TSHZ2: variants seen among roughly 807,000 people sequenced by gnomAD.
The protein encoded by TSHZ2 is teashirt zinc finger homeobox 2.
In TSHZ2, 21 loss-of-function variants were observed where a neutral mutation model predicts 74.4. The ratio of observed to expected loss-of-function variants is 0.28; its 90% CI spans 0.20 to 0.41. TSHZ2 has a LOEUF of 0.41. TSHZ2 is among the 10% of genes least tolerant of loss of function. The pLI is 1.00. For synonymous variants in TSHZ2, 540 were observed against 515.3 expected, an observed-to-expected ratio of 1.05 and a Z score of -0.65; for missense variants, 1,244 against 1,293.5, an observed-to-expected ratio of 0.96 and a Z score of 0.59.
At chr20:53,228,142 A>C (rs976596626) in intron 1 of TSHZ2, among the ~76,000 whole-genome samples, 2 of 142,568 alleles carry the variant, frequency 1.4e-5, no homozygotes, top group Non-Finnish European at 3.1e-5. Context: ...ACACACACAC[A>C]CTCACAGAGA....
intron 1 of TSHZ2, among the ~76,000 whole-genome samples, chr20:53,082,061 G>A (rs1248991721): frequency 3.3e-5 from 5 of 151,836 alleles, no homozygotes; most frequent in Admixed American, 2.0e-4. Context: ...GTGTAATTTC[G>A]TCACTCCCTT....
intron 2 of TSHZ2, among the ~76,000 whole-genome samples, chr20:53,361,925 T>G (rs7274222): frequency 0.014 from 67 of 4,746 alleles, no homozygotes; most frequent in Admixed American, 0.053. Flanking sequence ...GTTTTGTGTT[T>G]TTTTTTTTTC....
intron 1 of TSHZ2, among the ~76,000 whole-genome samples, chr20:53,080,722 C>T (rs1265617861): frequency 6.6e-6 from 1 of 152,188 alleles, no homozygotes; most frequent in Admixed American, 6.5e-5. Flanking sequence ...GCCCACCGCT[C>T]ACCTCCTGCT....
intron 2 of TSHZ2, among the ~76,000 whole-genome samples, chr20:53,467,970 C>G (rs920634855): frequency 6.6e-6 from 1 of 151,902 alleles, no homozygotes; most frequent in Non-Finnish European, 1.5e-5. Context: ...CGTGATAGAA[C>G]CAAATATTTG....
rs79355696 is a variant in TSHZ2, at chr20:53,153,121, C to T, written c.41-100378C>T. Among the ~76,000 whole-genome samples the T allele has an allele frequency of 5.6e-3, 846 of 152,330 alleles. 8 individuals are homozygous for T. Among genetic ancestry groups the T allele is most frequent in the African/African-American group, 0.02 (814 of 41,578 alleles). ...CATAACACAATCAGGACATCCTATG[C>T]AGCCGCATGGAACCAAAATCAGCTG... On this transcript the variant is annotated intron_variant, in intron 1 of 2. Transcript: ENST00000371497.
At chr20:53,217,113 T>C (rs2123629199) in intron 1 of TSHZ2, among the ~76,000 whole-genome samples, 1 of 152,318 alleles carries the variant, frequency 6.6e-6, no homozygotes, top group South Asian at 2.1e-4. Context: ...TGTGCGGCTG[T>C]ATCGATGGAT....
intron 2 of TSHZ2, among the ~76,000 whole-genome samples, chr20:53,438,833 G>T (rs1353908237): frequency 6.6e-6 from 1 of 152,180 alleles, no homozygotes; most frequent in Non-Finnish European, 1.5e-5. Context: ...GGTGGCACAC[G>T]CCTGTAATCC....
intron 1 of TSHZ2, among the ~76,000 whole-genome samples, chr20:53,038,900 G>GTTTTTTTTTTTTTTT (rs748995371): frequency 7.0e-6 from 1 of 143,526 alleles, no homozygotes; most frequent in African/African-American, 2.8e-5. Context: ...TTGTTTGTTT[G>GTTTTTTTTTTTTTTT]TTTGTTTGTT....
rs190653713 is a variant in TSHZ2, at chr20:53,480,225, C to T, written c.*9-6919C>T. Among the ~76,000 whole-genome samples, 11 of 151,974 alleles carry T rather than the reference C, an allele frequency of 7.2e-5. No homozygotes were observed. The East Asian group carries it at 1.9e-3, about 27-fold the overall frequency. Reference sequence around the variant, plus strand: ...CTGGGATTACAGGCGCCTGCCACCACCACCAGCTAATTTTTGTATTTTTAA... The same window carrying T: ...CTGGGATTACAGGCGCCTGCCACCATCACCAGCTAATTTTTGTATTTTTAA... On this transcript the variant is annotated intron_variant, in intron 2 of 2. Coordinates refer to ENST00000371497, the MANE Select transcript of TSHZ2 (RefSeq NM_173485.6).
intron 2 of TSHZ2, among the ~76,000 whole-genome samples, chr20:53,285,778 G>T (rs969599556): frequency 2.0e-5 from 3 of 152,122 alleles, no homozygotes; most frequent in Non-Finnish European, 4.4e-5. Flanking sequence ...AGCTTCCTTT[G>T]TGAAGTGATG....
intron 2 of TSHZ2, among the ~76,000 whole-genome samples, chr20:53,339,840 G>A (rs957628882): frequency 2.0e-5 from 3 of 152,090 alleles, no homozygotes; most frequent in South Asian, 2.1e-4. Flanking sequence ...CTAAATCCAC[G>A]CAAAACTTTT....
intron 2 of TSHZ2, among the ~76,000 whole-genome samples, chr20:53,381,981 G>T (rs779333283): frequency 6.6e-5 from 10 of 152,168 alleles, no homozygotes; most frequent in Non-Finnish European, 1.3e-4. Flanking sequence ...AATGTTGGCT[G>T]TTGCAAAAAG....
intron 1 of TSHZ2, among the ~76,000 whole-genome samples, chr20:53,227,280 C>T (rs866982653): frequency 1.1e-3 from 174 of 151,828 alleles, no homozygotes; most frequent in African/African-American, 4.0e-3. Flanking sequence ...TCCCGTGCAG[C>T]CTCTGTCTAT....
At chr20:53,210,793 C>T (rs904255637) in intron 1 of TSHZ2, among the ~76,000 whole-genome samples, 12 of 151,944 alleles carry the variant, frequency 7.9e-5, no homozygotes, top group Non-Finnish European at 1.0e-4. Context: ...ATCAATAAGA[C>T]GTATATAATC....
At chr20:53,170,479 A>G (rs1226747344) in intron 1 of TSHZ2, among the ~76,000 whole-genome samples, 1 of 152,222 alleles carries the variant, frequency 6.6e-6, no homozygotes, top group Non-Finnish European at 1.5e-5. Flanking sequence ...GAATCTTGAC[A>G]ACCTTGACGC....
At chr20:53,119,447 A>G (rs188273594) in intron 1 of TSHZ2, among the ~76,000 whole-genome samples, 30 of 152,330 alleles carry the variant, frequency 2.0e-4, no homozygotes, top group Admixed American at 7.8e-4. Context: ...AGAGAGGTCA[A>G]GTTCATGGAA....
At chr20:53,334,567 G>T (rs922054617) in intron 2 of TSHZ2, among the ~76,000 whole-genome samples, 5 of 152,228 alleles carry the variant, frequency 3.3e-5, no homozygotes, top group Non-Finnish European at 5.9e-5. Flanking sequence ...TGCACTTCCA[G>T]TGTGCGGCCA....
intron 2 of TSHZ2, among the ~76,000 whole-genome samples, chr20:53,410,638 A>G: frequency 7.5e-6 from 1 of 133,278 alleles, no homozygotes; most frequent in East Asian, 2.1e-4. Context: ...GCTGTGTTAT[A>G]TTTATGAAAA....
At chr20:53,014,140 G>T (rs1201464964) in intron 1 of TSHZ2, among the ~76,000 whole-genome samples, 2 of 152,052 alleles carry the variant, frequency 1.3e-5, no homozygotes, top group African/African-American at 4.8e-5. Context: ...GCATTGTCAA[G>T]TTTCTGGTAA....
Sources: gnomAD v4.1 joint callset for allele counts (sites outside exome capture counted in the v4.1 genomes callset) on GRCh38, gnomAD v4.1.1 for gene constraint, MANE v1.5 for transcripts, NCBI Gene and HGNC (gene_info 2026-07-23, HGNC 2026-07-21) for gene names.